The following SPOCK3 variants were observed in gnomAD, a reference collection of about 807,000 sequenced individuals.
SPOCK3 encodes the protein testican-3.
Under a neutral mutation model 56.6 loss-of-function variants are expected in SPOCK3, and 30 were observed. The observed-to-expected ratio is 0.53, with a 90% CI of 0.40 to 0.72. The LOEUF (loss-of-function observed/expected upper bound fraction) is 0.72, where lower values mean the gene tolerates loss of function less well. Among genes scored for constraint, SPOCK3 ranks in the 30% least tolerant of loss-of-function variants. The pLI is 0.00. For synonymous variants in SPOCK3, 196 were observed against 183.3 expected (o/e 1.07, Z -0.56); for missense variants, 527 against 530.0 (o/e 0.99, Z 0.06).
At chr4:167,225,225 A>G (rs2111138077) in intron 2 of SPOCK3, among the ~76,000 whole-genome samples, 1 of 152,240 alleles carries the variant, frequency 6.6e-6, no homozygotes. Flanking sequence ...TAATAGTGCT[A>G]TTTCTGAAGG....
chr4:166,748,575 G>T (rs1735952335), intron 8 of SPOCK3, among the ~76,000 whole-genome samples: 1 of 136,170 alleles, frequency 7.3e-6, no homozygotes, highest in Non-Finnish European at 1.6e-5. Flanking sequence ...CATAGGCATG[G>T]GCAAAGACTT....
chr4:167,141,983 G>T (rs535716750), intron 2 of SPOCK3, among the ~76,000 whole-genome samples: 1 of 152,064 alleles, frequency 6.6e-6, no homozygotes, highest in African/African-American at 2.4e-5. Flanking sequence ...TTTCTCAACA[G>T]CAACACTGGA....
chr4:167,180,033 A>G (rs985483502), intron 2 of SPOCK3, among the ~76,000 whole-genome samples: 1 of 152,150 alleles, frequency 6.6e-6, no homozygotes, highest in African/African-American at 2.4e-5. Flanking sequence ...GAGGGACTCC[A>G]TTTCAGTGAA....
intron 3 of SPOCK3, among the ~76,000 whole-genome samples, chr4:167,040,934 G>T (rs943364883): frequency 3.3e-5 from 5 of 152,168 alleles, no homozygotes; most frequent in African/African-American, 1.2e-4. Flanking sequence ...TGAGTGGAAA[G>T]AATTTAGTTC....
intron 6 of SPOCK3, among the ~76,000 whole-genome samples, chr4:166,826,789 G>A (rs1283799937): frequency 1.3e-5 from 2 of 151,816 alleles, no homozygotes; most frequent in African/African-American, 4.8e-5. Context: ...TTAAATCTAT[G>A]TCACTCACCC....
intron 2 of SPOCK3, among the ~76,000 whole-genome samples, chr4:167,105,462 T>TAAAAAAAAAAAAAAAAAAA (rs1760025156): frequency 2.1e-5 from 1 of 48,124 alleles, no homozygotes; most frequent in Non-Finnish European, 4.4e-5. Flanking sequence ...TACACAAAAA[T>TAAAAAAAAAAAAAAAAAAA]TAAAAAAAAA....
intron 6 of SPOCK3, among the ~76,000 whole-genome samples, chr4:166,834,011 T>C (rs1251459521): frequency 6.6e-6 from 1 of 152,206 alleles, no homozygotes; most frequent in Non-Finnish European, 1.5e-5. Flanking sequence ...TCCAATATCT[T>C]ACTCAGAGCA....
intron 6 of SPOCK3, among the ~76,000 whole-genome samples, chr4:166,797,767 A>C (rs556048286): frequency 6.6e-6 from 1 of 152,326 alleles, no homozygotes; most frequent in Non-Finnish European, 1.5e-5. Flanking sequence ...ATAATCAATA[A>C]GTAGCTACTA....
At chr4:166,806,487 G>T (rs1371709489) in intron 6 of SPOCK3, among the ~76,000 whole-genome samples, 3 of 151,976 alleles carry the variant, frequency 2.0e-5, no homozygotes. Context: ...CATTTTCAGT[G>T]TTATGGCAAC....
At chr4:166,782,291 A>G (rs1740266638) in intron 7 of SPOCK3, among the ~76,000 whole-genome samples, 1 of 152,180 alleles carries the variant, frequency 6.6e-6, no homozygotes. Context: ...GTAACCCTAA[A>G]TGTATAATGT....
intron 7 of SPOCK3, among the ~76,000 whole-genome samples, chr4:166,776,474 C>G (rs1739564166): frequency 6.6e-6 from 1 of 151,960 alleles, no homozygotes; most frequent in African/African-American, 2.4e-5. Flanking sequence ...ACATTTTCTG[C>G]TGGGTTTCAA....
At chr4:166,838,391 C>T (rs1337990017) in intron 6 of SPOCK3, among the ~76,000 whole-genome samples, 1 of 151,970 alleles carries the variant, frequency 6.6e-6, no homozygotes, top group Non-Finnish European at 1.5e-5. Context: ...CTCTGTGTTG[C>T]TTAGATTGTA....
Position 166,873,073 on chromosome 4 carries a change from A to G in SPOCK3, c.589+16057T>C, listed in dbSNP as rs562671001. ...TAGTCTCCATGAGGGATCTGCTGCT[A>G]TGACCCATATACTTTCCACTAGCCC... is the stretch of plus-strand genomic sequence containing the variant. On this transcript the variant is annotated intron_variant, in intron 6 of 10. Coordinates refer to ENST00000357545, the MANE Select transcript of SPOCK3 (RefSeq NM_001040159.2). Among the ~76,000 whole-genome samples the G allele has an allele frequency of 4.6e-5, 7 of 152,222 alleles. No individual in the cohort carries two copies. The South Asian group carries it at 1.2e-3, about 27-fold the overall frequency.
intron 3 of SPOCK3, among the ~76,000 whole-genome samples, chr4:167,042,255 A>G (rs1005513573): frequency 3.9e-5 from 6 of 152,182 alleles, no homozygotes; most frequent in Admixed American, 3.9e-4. Flanking sequence ...ACCCATATGC[A>G]GGTATTTTCT....
At chr4:167,121,987 T>C (rs1316326899) in intron 2 of SPOCK3, among the ~76,000 whole-genome samples, 1 of 152,116 alleles carries the variant, frequency 6.6e-6, no homozygotes, top group Non-Finnish European at 1.5e-5. Flanking sequence ...AATTTACCCA[T>C]GGCAAACCAT....
intron 6 of SPOCK3, among the ~76,000 whole-genome samples, chr4:166,835,730 C>T (rs1307687088): frequency 3.9e-5 from 6 of 152,072 alleles, no homozygotes; most frequent in South Asian, 2.1e-4. Context: ...CTGTTTTGGC[C>T]GGGCATGGTG....
At chr4:166,802,208 T>C (rs72984052) in intron 6 of SPOCK3, among the ~76,000 whole-genome samples, 65 of 151,846 alleles carry the variant, frequency 4.3e-4, no homozygotes, top group African/African-American at 1.6e-3. Flanking sequence ...GCAGGTATAT[T>C]TGAGTTTCTG....
chr4:167,046,455 T>C (rs1753741319), intron 3 of SPOCK3, among the ~76,000 whole-genome samples: 1 of 133,888 alleles, frequency 7.5e-6, no homozygotes, highest in African/African-American at 2.8e-5. Context: ...ATATTCTTTT[T>C]TTTTTTTTTT....
Position 166,737,941 on chromosome 4 carries a change from T to C in SPOCK3, c.995-337A>G, listed in dbSNP as rs1178986325. Among the ~76,000 whole-genome samples the C allele has an allele frequency of 3.9e-5, 6 of 152,202 alleles. No homozygotes were observed. The South Asian group carries it at 1.2e-3, about 31-fold the overall frequency. ...AATCTGATTAGTGCCATGCTTATAT[T>C]AAATCACCCAGACCACTTAGCATGG... is the stretch of plus-strand genomic sequence containing the variant. On this transcript the variant is annotated intron_variant, in intron 9 of 10. Coordinates refer to ENST00000357545, the MANE Select transcript of SPOCK3 (RefSeq NM_001040159.2).
Sources: allele counts gnomAD v4.1 joint callset (sites outside exome capture counted in the v4.1 genomes callset), GRCh38; gene constraint gnomAD v4.1.1; transcripts MANE v1.5; gene names NCBI Gene and HGNC (gene_info 2026-07-23, HGNC 2026-07-21).